Variants in KRT86 observed in about 807,000 individuals in gnomAD.
The protein encoded by KRT86 is keratin 86, also known as keratin, type II cuticular Hb6.
KRT86 carries 30 observed loss-of-function variants against 41.2 expected under a neutral mutation model. The observed-to-expected ratio is 0.73, with a 90% CI of 0.54 to 0.99. The LOEUF is 0.99. Among genes scored for constraint, KRT86 ranks in the 50% least tolerant of loss-of-function variants. KRT86 has a pLI of 0.00. For missense variants in KRT86, 561 were observed against 571.4 expected (o/e 0.98, Z 0.19); for synonymous variants, 238 against 238.1 (o/e 1.00, Z 0.00).
Position 52,308,748 on chromosome 12 carries a change from C to A in KRT86, c.*163C>A. ...CTCCGCTCCGGGAGCCATCCCCGGTCGCAGGAGTCCGGGGAGGGCCGGGAG... is the reference window on the plus strand; with the variant it reads ...CTCCGCTCCGGGAGCCATCCCCGGTAGCAGGAGTCCGGGGAGGGCCGGGAG... On this transcript the variant is annotated 3_prime_UTR_variant, in exon 11 of 11. Transcript: ENST00000423955. The A allele has an allele frequency of 1.5e-6, 1 of 663,376 alleles. No individual in the cohort carries two copies. The highest frequency in any genetic ancestry group is 2.5e-6 in the Non-Finnish European group (1 of 392,326). The allele number at this position is 663,376 out of a possible 1,614,324, so 41.1% of individuals were successfully genotyped here.
chr12:52,291,523 G>T, intron 2 of KRT86: 1 of 1,602,858 alleles, frequency 6.2e-7, no homozygotes, highest in Non-Finnish European at 8.5e-7. Flanking sequence ...AGTCCTGATG[G>T]AAACTCCAAT....
At chr12:52,300,509 CCTAT>C (rs1938347852) in intron 2 of KRT86, among the ~76,000 whole-genome samples, 1 of 151,938 alleles carries the variant, frequency 6.6e-6, no homozygotes, top group Admixed American at 6.5e-5. Context: ...AAAGCCTTAA[CCTAT>C]TTCCCAGGAG....
chr12:52,306,342 C>T (rs1938519089), intron 9 of KRT86, 62 bp downstream of exon 9: 4 of 1,611,178 alleles, frequency 2.5e-6, no homozygotes, highest in Non-Finnish European at 2.5e-6. Context: ...GCTCTGTCCT[C>T]ACACTCCTGG....
chr12:52,286,298 G>A, intron 2 of KRT86: 3 of 1,554,614 alleles, frequency 1.9e-6, no homozygotes, highest in Non-Finnish European at 1.7e-6. Context: ...CACACCCAGG[G>A]AGCTGATACC....
chr12:52,280,329 T>C (rs1381394584), intron 2 of KRT86, among the ~76,000 whole-genome samples: 8 of 152,132 alleles, frequency 5.3e-5, no homozygotes, highest in African/African-American at 1.7e-4. Flanking sequence ...AGATAAAGGC[T>C]GGATTTCTGG....
intron 2 of KRT86, 85 bp from the exon 3 acceptor site, chr12:52,301,828 C>A: frequency 1.9e-6 from 3 of 1,612,896 alleles, no homozygotes; most frequent in Non-Finnish European, 2.5e-6. Context: ...TACAGAGGTG[C>A]AAGTAGTGAA....
rs1447791932 is a variant in KRT86 at position 52,304,916 on chromosome 12, C to T, written c.640-16C>T. The T allele has an allele frequency of 1.2e-6, 2 of 1,613,602 alleles. No individual in the cohort carries two copies. The highest frequency in any genetic ancestry group is 1.7e-6 in the Non-Finnish European group (2 of 1,179,688). On this transcript the variant is annotated splice_polypyrimidine_tract_variant and intron_variant, in intron 5 of 10. Coordinates refer to ENST00000423955, the MANE Select transcript of KRT86 (RefSeq NM_001320198.2). ...TCACCAGGGTCCTTGAGCTCCAACA[C>T]TCCCCACCTTTCCAGGATGTGGACT...
In KRT86 at chr12:52,277,345, A is replaced by G. The variant is rs576065283; in HGVS notation, c.-5+1399A>G. 8.0e-5 allele frequency among the ~76,000 whole-genome samples: 12 copies of G among 149,492 alleles called. 1 individual carries two copies. In the East Asian group the frequency reaches 1.7e-3, roughly 22 times the overall value. On this transcript the variant is annotated intron_variant, in intron 2 of 10. Transcript: ENST00000423955. ...TTCTTTTCATCTTGCCATACAGACA[A>G]ACAAACACAAGTTTTGGAACAGGTG...
At chr12:52,297,904 A>C (rs977617097) in intron 2 of KRT86, among the ~76,000 whole-genome samples, 1 of 152,226 alleles carries the variant, frequency 6.6e-6, no homozygotes, top group African/African-American at 2.4e-5. Context: ...TATCAAGTCC[A>C]TATCCCCCAT....
chr12:52,302,743 A>T (rs1938411406), intron 3 of KRT86, among the ~76,000 whole-genome samples: 1 of 124,438 alleles, frequency 8.0e-6, no homozygotes, highest in African/African-American at 3.0e-5. Context: ...CTCATCTGTG[A>T]TCTGAACCTG....
At chr12:52,296,986 CCTCT>C (rs1192238252) in intron 2 of KRT86, among the ~76,000 whole-genome samples, 1 of 152,186 alleles carries the variant, frequency 6.6e-6, no homozygotes, top group Non-Finnish European at 1.5e-5. Flanking sequence ...CGGCATTCTC[CCTCT>C]CTCTCCGCTG....
intron 2 of KRT86, among the ~76,000 whole-genome samples, chr12:52,280,221 G>A (rs1255866970): frequency 6.6e-6 from 1 of 152,126 alleles, no homozygotes; most frequent in Non-Finnish European, 1.5e-5. Context: ...TCAGACGGAG[G>A]CTCCAGCTCT....
Position 52,306,058 on chromosome 12 carries a change from A to G in KRT86, c.1027-2A>G, listed in dbSNP as rs762565154. On this transcript the variant is annotated splice_acceptor_variant, in intron 8 of 10. Transcript: ENST00000423955. LOFTEE classifies it high-confidence loss of function. ...CTACCTTGTTCTCTCTGTTCTCTTC[A>G]GAATTCCAAGCTGGAGGCTGCGGTG... The G allele has an allele frequency of 6.2e-7, 1 of 1,613,764 alleles. No individual in the cohort carries two copies. The highest frequency in any genetic ancestry group is 8.5e-7 in the Non-Finnish European group (1 of 1,180,012).
chr12:52,291,216 TGACC>T, intron 2 of KRT86: 1 of 1,458,610 alleles, frequency 6.9e-7, no homozygotes. Context: ...AGGCTCTCGT[TGACC>T]GACACGGTGG....
intron 2 of KRT86, among the ~76,000 whole-genome samples, chr12:52,295,170 C>T (rs528526130): frequency 6.6e-6 from 1 of 152,194 alleles, no homozygotes; most frequent in East Asian, 1.9e-4. Flanking sequence ...ATGTAGAAAG[C>T]TATTTTATGA....
rs1328898748 is a variant in KRT86 at position 52,286,396 on chromosome 12, C to G, written c.-5+10450C>G. ...ACAGGCCGGTGCTCACCGCCACGTT[C>G]CCGTTGCACGGAGCGCTGCAGACAC... On this transcript the variant is annotated intron_variant, in intron 2 of 10. Coordinates refer to ENST00000423955, the MANE Select transcript of KRT86 (RefSeq NM_001320198.2). 5 of 1,555,170 alleles carry G rather than the reference C, an allele frequency of 3.2e-6. No individual in the cohort carries two copies. In the Admixed American group the frequency reaches 7.8e-5, roughly 24 times the overall value.
chr12:52,308,488 G>T lies in KRT86; in HGVS notation c.1364G>T (p.Ser455Ile). 1 of 1,609,752 alleles carries T rather than the reference G, an allele frequency of 6.2e-7. No individual in the cohort carries two copies. ...TAPVVSTRVS[S>I]VPSNSNVVVG... ...CCTGTTGTCTCCACCAGAGTCAGTA[G>T]CGTCCCCAGCAACAGCAACGTGGTG... Residue 455 changes from serine (S) to isoleucine (I), a missense_variant, in exon 11 of 11, where the codon AGC (serine) becomes ATC (isoleucine). By Grantham distance (142) the Ser-to-Ile change is moderately radical. Around this residue, in one of 3 missense-constraint regions of KRT86, gnomAD observed 397 missense variants for 375.9 expected, o/e 1.06. Transcript: ENST00000423955.
chr12:52,288,444 C>T lies in KRT86; in HGVS notation c.-5+12498C>T, dbSNP rs759288512. Reference sequence around the variant, plus strand: ...TCCAGGTCTGACTTGCGGAGGTAGGCGCAGTCCACATCCTGGAAAGGTGGG... The same window carrying T: ...TCCAGGTCTGACTTGCGGAGGTAGGTGCAGTCCACATCCTGGAAAGGTGGG... On this transcript the variant is annotated intron_variant, in intron 2 of 10. Coordinates refer to ENST00000423955, the MANE Select transcript of KRT86 (RefSeq NM_001320198.2). 2.2e-5 allele frequency: 35 copies of T among 1,614,150 alleles called. No homozygotes were observed. The highest frequency in any genetic ancestry group is 8.8e-5 in the South Asian group (8 of 91,078).
At chr12:52,306,774 G>T in intron 9 of KRT86, 1 of 206,376 alleles carries the variant, frequency 4.8e-6, no homozygotes, top group South Asian at 9.5e-5. Context: ...CATTGTGGCA[G>T]GTGGGAATGA....
Sources: allele counts gnomAD v4.1 joint callset (sites outside exome capture counted in the v4.1 genomes callset), GRCh38; gene constraint gnomAD v4.1.1; regional missense constraint gnomAD v4.1.1; transcripts MANE v1.5; gene names NCBI Gene and HGNC (gene_info 2026-07-23, HGNC 2026-07-21).